The following CADM2 variants were observed in gnomAD, a reference collection of about 807,000 sequenced individuals.
CADM2 encodes cell adhesion molecule 2.
CADM2 carries 12 observed loss-of-function variants against 49.8 expected under a neutral mutation model. That is an observed-to-expected ratio of 0.24 (90% CI 0.15 to 0.39). The LOEUF is 0.39. CADM2 is among the 10% of genes least tolerant of loss of function. The probability of loss-of-function intolerance (pLI) is 1.00; values close to 1 mark genes in which losing one functional copy is unlikely to be tolerated. For missense variants in CADM2, 378 were observed against 492.3 expected (o/e 0.77, Z 2.20); for synonymous variants, 214 against 175.4 (o/e 1.22, Z -1.74).
At chr3:85,689,359 G>A (rs1445340292) in intron 1 of CADM2, among the ~76,000 whole-genome samples, 1 of 151,858 alleles carries the variant, frequency 6.6e-6, no homozygotes, top group African/African-American at 2.4e-5. Context: ...ATGTTGCAAA[G>A]AAAAAATAAT....
chr3:85,212,629 T>G (rs113317741), intron 1 of CADM2, among the ~76,000 whole-genome samples: 4 of 152,046 alleles, frequency 2.6e-5, no homozygotes, highest in Non-Finnish European at 5.9e-5. Flanking sequence ...TGCATCTATT[T>G]ATATGTTATT....
intron 1 of CADM2, among the ~76,000 whole-genome samples, chr3:85,496,114 G>C (rs770702061): frequency 6.6e-6 from 1 of 152,098 alleles, no homozygotes; most frequent in Non-Finnish European, 1.5e-5. Context: ...GTATTGCGTT[G>C]TGCTGAGGTT....
chr3:86,021,896 A>G (rs76601630), intron 8 of CADM2, among the ~76,000 whole-genome samples: 6 of 152,292 alleles, frequency 3.9e-5, no homozygotes, highest in African/African-American at 1.4e-4. Flanking sequence ...GCAAGTCTAG[A>G]GATCTAATAC....
intron 7 of CADM2, among the ~76,000 whole-genome samples, chr3:85,959,948 G>A (rs189857985): frequency 1.5e-4 from 23 of 151,836 alleles, no homozygotes; most frequent in Admixed American, 1.2e-3. Context: ...CTGTATAAAC[G>A]TCTTAGGAGT....
chr3:85,680,963 G>A (rs2066026062), intron 1 of CADM2, among the ~76,000 whole-genome samples: 1 of 152,092 alleles, frequency 6.6e-6, no homozygotes, highest in African/African-American at 2.4e-5. Flanking sequence ...CCAAATATAT[G>A]AAAAATTCAT....
At chr3:85,505,336 CA>C (rs2040301166) in intron 1 of CADM2, among the ~76,000 whole-genome samples, 1 of 152,222 alleles carries the variant, frequency 6.6e-6, no homozygotes, top group Non-Finnish European at 1.5e-5. Flanking sequence ...CTCACAGGAT[CA>C]CATTACACAG....
At chr3:85,428,875 G>A (rs1559835368) in intron 1 of CADM2, among the ~76,000 whole-genome samples, 1 of 151,516 alleles carries the variant, frequency 6.6e-6, no homozygotes, top group Non-Finnish European at 1.5e-5. Flanking sequence ...AGTATTAGGA[G>A]TCACTACGGA....
chr3:85,513,254 T>C (rs920460888), intron 1 of CADM2, among the ~76,000 whole-genome samples: 1 of 151,924 alleles, frequency 6.6e-6, no homozygotes, highest in Non-Finnish European at 1.5e-5. Context: ...AGTCCTCAAA[T>C]TGGTAGTTAA....
At chr3:86,044,285 A>T (rs1279570398) in intron 8 of CADM2, among the ~76,000 whole-genome samples, 2 of 152,128 alleles carry the variant, frequency 1.3e-5, no homozygotes, top group Non-Finnish European at 2.9e-5. Context: ...ACCCACAGAA[A>T]GGGAGAAAAT....
chr3:85,381,246 T>C (rs2033887382), intron 1 of CADM2, among the ~76,000 whole-genome samples: 1 of 151,734 alleles, frequency 6.6e-6, no homozygotes, highest in African/African-American at 2.4e-5. Context: ...ATAACAATAT[T>C]GTGAATAATG....
intron 1 of CADM2, among the ~76,000 whole-genome samples, chr3:85,155,051 C>A (rs2040062071): frequency 6.8e-6 from 1 of 148,028 alleles, no homozygotes; most frequent in Non-Finnish European, 1.5e-5. Flanking sequence ...AAATAACCAG[C>A]TAACATCATA....
intron 1 of CADM2, among the ~76,000 whole-genome samples, chr3:85,483,937 A>C (rs2039315381): frequency 1.3e-5 from 2 of 151,852 alleles, no homozygotes; most frequent in Middle Eastern, 3.4e-3. Flanking sequence ...TTGAGTTACT[A>C]AATTTTTCTA....
intron 8 of CADM2, among the ~76,000 whole-genome samples, chr3:85,986,529 A>G (rs1559784140): frequency 6.6e-6 from 1 of 152,080 alleles, no homozygotes; most frequent in Non-Finnish European, 1.5e-5. Flanking sequence ...ATTAAGTGTC[A>G]ATATGTTGGG....
intron 2 of CADM2, among the ~76,000 whole-genome samples, chr3:85,775,200 T>C (rs2070301447): frequency 6.6e-6 from 1 of 151,756 alleles, no homozygotes; most frequent in African/African-American, 2.4e-5. Flanking sequence ...TTTTAGTATC[T>C]AATGCAAGTT....
At chr3:85,943,050 C>T (rs1722150918) in intron 7 of CADM2, among the ~76,000 whole-genome samples, 1 of 152,004 alleles carries the variant, frequency 6.6e-6, no homozygotes, top group African/African-American at 2.4e-5. Context: ...GATGGTATCT[C>T]ATTGTAGTTT....
intron 1 of CADM2, among the ~76,000 whole-genome samples, chr3:85,340,202 A>G (rs963654353): frequency 6.6e-6 from 1 of 151,566 alleles, no homozygotes; most frequent in African/African-American, 2.4e-5. Flanking sequence ...AACTCTATGA[A>G]TATAGCTTAG....
chr3:85,490,341 T>C (rs2039620035), intron 1 of CADM2, among the ~76,000 whole-genome samples: 1 of 152,204 alleles, frequency 6.6e-6, no homozygotes, highest in East Asian at 1.9e-4. Flanking sequence ...ATGAATTATA[T>C]ATAGCACAGT....
intron 3 of CADM2, among the ~76,000 whole-genome samples, chr3:85,845,250 A>T (rs2108274865): frequency 6.6e-6 from 1 of 152,000 alleles, no homozygotes; most frequent in African/African-American, 2.4e-5. Flanking sequence ...CATGGCTCTC[A>T]CAAGACAGAT....
chr3:85,618,429 G>A (rs2063863299), intron 1 of CADM2, among the ~76,000 whole-genome samples: 1 of 152,202 alleles, frequency 6.6e-6, no homozygotes, highest in South Asian at 2.1e-4. Context: ...AGAAAAAAAA[G>A]ATAGAAGATG....
Sources: allele counts gnomAD v4.1 joint callset (sites outside exome capture counted in the v4.1 genomes callset), GRCh38; gene constraint gnomAD v4.1.1; transcripts MANE v1.5; gene names NCBI Gene and HGNC (gene_info 2026-07-23, HGNC 2026-07-21).